The following EGFR variants were observed in gnomAD, a reference collection of about 807,000 sequenced individuals.
EGFR encodes epidermal growth factor receptor.
Under a neutral mutation model 143.0 loss-of-function variants are expected in EGFR, and 58 were observed. The observed-to-expected ratio is 0.41, with a 90% CI of 0.33 to 0.50. EGFR has a LOEUF of 0.50. EGFR is among the 20% of genes least tolerant of loss of function. The pLI, the probability that EGFR is intolerant of heterozygous loss-of-function variation, is 0.39. For missense variants in EGFR, 1,307 were observed against 1,579.0 expected (o/e 0.83, Z 2.92); for synonymous variants, 613 against 594.4 (o/e 1.03, Z -0.45).
In EGFR at chr7:55,206,550, C is replaced by T. The variant is rs886062383; in HGVS notation, c.*933C>T. ...AGCACCGCTTTTGTTCTCGCAAAAACGTATCTCCTAATTTGAGGCTCAGAT... is the reference window on the plus strand; with the variant it reads ...AGCACCGCTTTTGTTCTCGCAAAAATGTATCTCCTAATTTGAGGCTCAGAT... On this transcript the variant is annotated 3_prime_UTR_variant, in exon 28 of 28. Coordinates refer to ENST00000275493, the MANE Select transcript of EGFR (RefSeq NM_005228.5). 3 of 233,138 alleles carry T rather than the reference C, an allele frequency of 1.3e-5. No homozygotes were observed. The highest frequency in any genetic ancestry group is 2.5e-5 in the Non-Finnish European group (3 of 118,068). The allele number at this position is 233,138 out of a possible 1,614,324, so 14.4% of individuals were successfully genotyped here.
intron 20 of EGFR, chr7:55,181,686 T>A: frequency 1.6e-6 from 1 of 638,846 alleles, no homozygotes; most frequent in East Asian, 2.8e-5. Flanking sequence ...GAAACTCTCA[T>A]CAATCAGCTA....
rs1788107308 is a variant in EGFR, at chr7:55,206,384, A to C, written c.*767A>C. ...CTTCCATTCCATTGTTTTGAAACTC[A>C]GTATGCTGCCCCTGTCTTGCTGTCA... On this transcript the variant is annotated 3_prime_UTR_variant, in exon 28 of 28. Coordinates refer to ENST00000275493, the MANE Select transcript of EGFR (RefSeq NM_005228.5). The C allele has an allele frequency of 4.3e-6, 1 of 233,314 alleles. No homozygotes were observed. The highest frequency in any genetic ancestry group is 8.5e-6 in the Non-Finnish European group (1 of 118,188). 14.5% of individuals were successfully genotyped at this position (233,314 alleles called of 1,614,324 possible). A position where few individuals can be genotyped will look rare whatever the true frequency, so the allele number is the denominator to read the frequency against.
intron 19 of EGFR, among the ~76,000 whole-genome samples, chr7:55,175,700 A>T (rs991071294): frequency 6.6e-6 from 1 of 152,232 alleles, no homozygotes; most frequent in Non-Finnish European, 1.5e-5. Context: ...AATTTAGTTG[A>T]TCTTACAGCC....
At chr7:55,155,343 G>A (rs1785360049) in intron 7 of EGFR, among the ~76,000 whole-genome samples, 1 of 152,248 alleles carries the variant, frequency 6.6e-6, no homozygotes, top group Admixed American at 6.5e-5. Context: ...TCAGGAGGCT[G>A]AGGCAGGAGA....
intron 11 of EGFR, 51 bp downstream of exon 11, chr7:55,157,804 G>A (rs2128939901): frequency 6.3e-7 from 1 of 1,577,082 alleles, no homozygotes; most frequent in Non-Finnish European, 8.7e-7. Flanking sequence ...CTTTTTAGTT[G>A]GAAATTAGGC....
chr7:55,062,744 A>C (rs1789263557), intron 1 of EGFR, among the ~76,000 whole-genome samples: 1 of 152,226 alleles, frequency 6.6e-6, no homozygotes, highest in African/African-American at 2.4e-5. Context: ...GTTCTTTGAA[A>C]ATATCAGAAA....
intron 1 of EGFR, among the ~76,000 whole-genome samples, chr7:55,118,359 T>G (rs1792993113): frequency 6.6e-6 from 1 of 152,124 alleles, no homozygotes; most frequent in South Asian, 2.1e-4. Flanking sequence ...CTATGTCCAT[T>G]GGAGTTTGAG....
intron 4 of EGFR, among the ~76,000 whole-genome samples, chr7:55,149,428 GTTAT>G (rs1252756920): frequency 6.6e-6 from 1 of 152,014 alleles, no homozygotes; most frequent in Admixed American, 6.6e-5. Flanking sequence ...AAAGTAAAAT[GTTAT>G]TTCTAATGTA....
chr7:55,126,820 T>G (rs1339989167), intron 1 of EGFR, among the ~76,000 whole-genome samples: 1 of 152,238 alleles, frequency 6.6e-6, no homozygotes, highest in African/African-American at 2.4e-5. Flanking sequence ...AAATGTTATC[T>G]TGTTTGTCAG....
intron 1 of EGFR, among the ~76,000 whole-genome samples, chr7:55,130,484 G>C (rs1793767831): frequency 1.3e-5 from 2 of 152,126 alleles, no homozygotes; most frequent in South Asian, 4.1e-4. Context: ...GGGATTACAG[G>C]GTAGCCAGGG....
chr7:55,134,913 C>A (rs940174775), intron 1 of EGFR, among the ~76,000 whole-genome samples: 1 of 152,100 alleles, frequency 6.6e-6, no homozygotes, highest in African/African-American at 2.4e-5. Flanking sequence ...CCGAGCTGGC[C>A]CCATGTCAAT....
At chr7:55,080,426 G>A (rs1470634974) in intron 1 of EGFR, among the ~76,000 whole-genome samples, 2 of 151,498 alleles carry the variant, frequency 1.3e-5, no homozygotes, top group East Asian at 1.9e-4. Flanking sequence ...ATTATGTTAA[G>A]TGAAATAAGC....
rs759179459 is a variant in EGFR, at chr7:55,198,791, A to C, written c.2776A>C (p.Ile926Leu). Residue 926 changes from isoleucine to leucine, a missense_variant, in exon 23 of 28, where the codon ATC becomes CTC. Transcript: ENST00000275493. Reference sequence around the variant, plus strand: ...AATCCCTGCCAGCGAGATCTCCTCCATCCTGGAGAAAGGAGAACGCCTCCC... The same window carrying C: ...AATCCCTGCCAGCGAGATCTCCTCCCTCCTGGAGAAAGGAGAACGCCTCCC... ...DGIPASEISSILEKGERLPQP... is the reference protein window; with the variant it reads ...DGIPASEISSLLEKGERLPQP... 5 of 1,614,226 alleles carry C rather than the reference A, an allele frequency of 3.1e-6. No individual in the cohort carries two copies. The East Asian group carries it at 8.9e-5, about 29-fold the overall frequency.
chr7:55,133,081 C>G (rs967599901), intron 1 of EGFR, among the ~76,000 whole-genome samples: 1 of 152,208 alleles, frequency 6.6e-6, no homozygotes, highest in African/African-American at 2.4e-5. Flanking sequence ...GAGTGAGTCA[C>G]GGGCCTGAAC....
chr7:55,201,912 C>T lies in EGFR; in HGVS notation c.3162+130C>T, dbSNP rs1289745309. ...AGTTTTCTTCCTGTGTGGGTTTTTC[C>T]CTGCACGGCTGTCACGCCTCACAGT... On this transcript the variant is annotated intron_variant, in intron 26 of 27. Transcript: ENST00000275493. 4.4e-6 allele frequency: 5 copies of T among 1,128,594 alleles called. No individual in the cohort carries two copies. In the African/African-American group the frequency reaches 7.7e-5, roughly 17 times the overall value. The allele number at this position is 1,128,594 out of a possible 1,614,324, so 69.9% of individuals were successfully genotyped here. A position where few individuals can be genotyped will look rare whatever the true frequency, so the allele number is the denominator to read the frequency against.
At chr7:55,064,161 C>T (rs747478825) in intron 1 of EGFR, among the ~76,000 whole-genome samples, 1 of 152,068 alleles carries the variant, frequency 6.6e-6, no homozygotes, top group Non-Finnish European at 1.5e-5. Flanking sequence ...TTAAAAAATA[C>T]CTGCAGTTTA....
chr7:55,079,580 T>C (rs1264438495), intron 1 of EGFR, among the ~76,000 whole-genome samples: 1 of 143,350 alleles, frequency 7.0e-6, no homozygotes, highest in Non-Finnish European at 1.5e-5. Context: ...ATGGATTTTA[T>C]GGCGTTTTTT....
At chr7:55,051,467 G>T (rs1014846719) in intron 1 of EGFR, among the ~76,000 whole-genome samples, 3 of 151,108 alleles carry the variant, frequency 2.0e-5, no homozygotes, top group Non-Finnish European at 2.9e-5. Context: ...CTTGCTTGCT[G>T]GCTACCATGC....
rs17290545 is a variant in EGFR at position 55,191,591 on chromosome 7, A to G, written c.2470-128A>G. 7.4e-4 allele frequency: 893 copies of G among 1,210,482 alleles called. 5 individuals carry two copies. In the African/African-American group the frequency reaches 0.012, roughly 16 times the overall value. 75.0% of individuals were successfully genotyped at this position (1,210,482 alleles called of 1,614,324 possible). A position where few individuals can be genotyped will look rare whatever the true frequency, so the allele number is the denominator to read the frequency against. On this transcript the variant is annotated intron_variant, in intron 20 of 27. Transcript: ENST00000275493. ...CCATTCTTTGGATCAGTAGTCACTAACGTTCGCCAGCCATAAGTCCTCGAC... is the reference window on the plus strand; with the variant it reads ...CCATTCTTTGGATCAGTAGTCACTAGCGTTCGCCAGCCATAAGTCCTCGAC...
Sources: gnomAD v4.1 joint callset for allele counts (sites outside exome capture counted in the v4.1 genomes callset) on GRCh38, gnomAD v4.1.1 for gene constraint, MANE v1.5 for transcripts, NCBI Gene and HGNC (gene_info 2026-07-23, HGNC 2026-07-21) for gene names.